Variants in PAX9 observed in about 807,000 individuals in gnomAD.
PAX9 encodes the protein paired box 9.
A neutral mutation model predicts 29.1 loss-of-function variants in PAX9; 6 were observed. The observed-to-expected ratio is 0.21, with a 90% CI of 0.11 to 0.41. The LOEUF is 0.41. Ranked by LOEUF, PAX9 falls within the 10% of genes least tolerant of loss-of-function variation. PAX9 has a pLI of 1.00. For missense variants in PAX9, 443 were observed against 479.1 expected, an observed-to-expected ratio of 0.92 and a Z score of 0.70; for synonymous variants, 217 against 211.7, an observed-to-expected ratio of 1.03 and a Z score of -0.22.
intron 1 of PAX9, 51 bp downstream of exon 1, chr14:36,662,144 G>A: frequency 2.9e-6 from 4 of 1,399,586 alleles, no homozygotes; most frequent in Middle Eastern, 2.6e-4. Context: ...GGGAGGGAGC[G>A]AGCGGGCAAG....
intron 1 of PAX9, 123 bp downstream of exon 1, chr14:36,662,216 C>T: frequency 8.8e-7 from 1 of 1,135,720 alleles, no homozygotes; most frequent in South Asian, 1.6e-5. Flanking sequence ...TCTCTATTGA[C>T]TTTGCTCGTG....
intron 1 of PAX9, 109 bp downstream of exon 1, chr14:36,662,202 A>G: frequency 8.1e-7 from 1 of 1,228,900 alleles, no homozygotes; most frequent in Non-Finnish European, 1.1e-6. Context: ...CTAGGCGCTC[A>G]CATTCTCTAT....
chr14:36,663,918 A>G (rs994949865), intron 2 of PAX9, among the ~76,000 whole-genome samples: 3 of 152,242 alleles, frequency 2.0e-5, no homozygotes, highest in Non-Finnish European at 4.4e-5. Context: ...TGCCGGCTGC[A>G]GACTCCGCTG....
Position 36,661,898 on chromosome 14 carries a change from C to T in PAX9, c.-192C>T, listed in dbSNP as rs962916856. 4 of 704,368 alleles carry T rather than the reference C, an allele frequency of 5.7e-6. No individual in the cohort carries two copies. Among genetic ancestry groups the T allele is most frequent in the African/African-American group, 1.8e-5 (1 of 56,826 alleles). The allele number at this position is 704,368 out of a possible 1,614,324, so 43.6% of individuals were successfully genotyped here. On this transcript the variant is annotated 5_prime_UTR_variant, in exon 1 of 4. Transcript: ENST00000361487. ...TTGCTGCTTAGATTGAAATGCAGAA[C>T]TCAAGCCTCTTTCATCGGGGCACAG...
chr14:36,676,588 T>C lies in PAX9; in HGVS notation c.*136T>C, dbSNP rs1258230270. ...TGAAAGCTGGCTGTACGGACTCACA[T>C]CCTTTGTGCTAATGACACTTACATA... is the stretch of plus-strand genomic sequence containing the variant. On this transcript the variant is annotated 3_prime_UTR_variant, in exon 4 of 4. Coordinates refer to ENST00000361487, the MANE Select transcript of PAX9 (RefSeq NM_001372076.1). 2 of 957,150 alleles carry C rather than the reference T, an allele frequency of 2.1e-6. No homozygotes were observed. Among genetic ancestry groups the C allele is most frequent in the Non-Finnish European group, 3.2e-6 (2 of 620,570 alleles). 59.3% of individuals were successfully genotyped at this position (957,150 alleles called of 1,614,324 possible). A position where few individuals can be genotyped will look rare whatever the true frequency, so the allele number is the denominator to read the frequency against.
rs1443837616 is a variant in PAX9, at chr14:36,676,781, C to T, written c.*329C>T. The T allele has an allele frequency of 2.5e-5, 9 of 361,564 alleles. 1 individual carries two copies. The highest frequency in any genetic ancestry group is 8.5e-4 in the Middle Eastern group (1 of 1,174). 22.4% of individuals were successfully genotyped at this position (361,564 alleles called of 1,614,324 possible). ...GGTTTAAGGAACTTTACAAACTAGT[C>T]TTTGGTAAAACCACATGTGTATATT... On this transcript the variant is annotated 3_prime_UTR_variant, in exon 4 of 4. Transcript: ENST00000361487.
chr14:36,675,056 A>C (rs1594474700), intron 3 of PAX9, among the ~76,000 whole-genome samples: 1 of 152,360 alleles, frequency 6.6e-6, no homozygotes, highest in East Asian at 1.9e-4. Context: ...TAGCTAACAT[A>C]CATCTGATTA....
In PAX9 at chr14:36,663,530, G is replaced by A. The variant is rs1209083394; in HGVS notation, c.631+7G>A. On this transcript the variant is annotated splice_region_variant and intron_variant, in intron 2 of 3. Transcript: ENST00000361487. ...CGCTCCATCACCGACCAAGGTAGGG[G>A]CTCAGAGGCTGGGCGTGTGGATGTG... 3 of 1,612,578 alleles carry A rather than the reference G, an allele frequency of 1.9e-6. No individual in the cohort carries two copies. The highest frequency in any genetic ancestry group is 2.5e-6 in the Non-Finnish European group (3 of 1,179,916).
intron 2 of PAX9, among the ~76,000 whole-genome samples, chr14:36,665,563 A>C (rs1330581038): frequency 6.6e-6 from 1 of 152,124 alleles, no homozygotes. Context: ...AATATTCTCA[A>C]CCCCAGGTAT....
Position 36,663,108 on chromosome 14 carries a change from G to A in PAX9, c.216G>A (p.Gly72=). Residue 72 remains glycine, a synonymous_variant, in exon 2 of 4, where the codon GGG becomes GGA. Transcript: ENST00000361487. ...GCTCGATCTTGCCAGGAGCCATCGG[G>A]GGCAGCAAGCCCCGGGTCACTACCC... ...ETGSILPGAI[G]GSKPRVTTPT... is the part of the protein sequence containing the mutation. 1.2e-6 allele frequency: 2 copies of A among 1,613,984 alleles called. No homozygotes were observed. Among genetic ancestry groups the A allele is most frequent in the Non-Finnish European group, 1.7e-6 (2 of 1,180,044 alleles).
Position 36,679,197 on chromosome 14 carries a change from G to C in PAX9, c.*2745G>C. The C allele has an allele frequency of 1.0e-6, 1 of 984,550 alleles. No homozygotes were observed. The highest frequency in any genetic ancestry group is 1.2e-6 in the Non-Finnish European group (1 of 829,338). The allele number at this position is 984,550 out of a possible 1,614,324, so 61.0% of individuals were successfully genotyped here. A position where few individuals can be genotyped will look rare whatever the true frequency, so the allele number is the denominator to read the frequency against. ...CTTATTTCTTTTTTTTCACAATTTT[G>C]TTTTGTTTTTAATGACCCTTTTATT... On this transcript the variant is annotated 3_prime_UTR_variant, in exon 4 of 4. Transcript: ENST00000361487.
Position 36,676,219 on chromosome 14 carries a change from G to A in PAX9, c.793G>A (p.Val265Met). ...TCAGGCACCAAATGGTCTCCCAGCT[G>A]TGGGCAGTTTTGTGTCAGCATCCAG... ...YGQAPNGLPA[V>M]GSFVSASSMA... The change falls in exon 4 of 4, where the codon GTG becomes ATG. Residue 265 changes from valine (V) to methionine (M), a missense_variant. Physicochemically the swap from Val to Met is conservative, Grantham distance 21. Coordinates refer to ENST00000361487, the MANE Select transcript of PAX9 (RefSeq NM_001372076.1). 6.2e-7 allele frequency: 1 copy of A among 1,614,118 alleles called. No homozygotes were observed. The highest frequency in any genetic ancestry group is 1.7e-5 in the Admixed American group (1 of 60,016).
intron 2 of PAX9, among the ~76,000 whole-genome samples, chr14:36,663,764 C>T (rs750162457): frequency 1.3e-5 from 2 of 152,190 alleles, no homozygotes; most frequent in Non-Finnish European, 2.9e-5. Context: ...CCATAACATC[C>T]CCCCATCCCC....
intron 3 of PAX9, among the ~76,000 whole-genome samples, chr14:36,668,365 C>T (rs1881581425): frequency 9.8e-6 from 1 of 101,620 alleles, no homozygotes. Context: ...CAGTCATAAT[C>T]CCAAAAAAAA....
rs1881496499 is a variant in PAX9 at position 36,666,517 on chromosome 14, C to T, written c.687C>T (p.Gly229=). The stretch of plus-strand genomic sequence containing the variant: ...AGGTGGAGGAGTGGAGCAGCCTGGG[C>T]CGCAACAACTTCCCCGCCGCCGCCC... ...SPKVEEWSSL[G]RNNFPAAAPH... Residue 229 remains glycine, a synonymous_variant, in exon 3 of 4, where the codon GGC becomes GGT. Coordinates refer to ENST00000361487, the MANE Select transcript of PAX9 (RefSeq NM_001372076.1). 1.9e-6 allele frequency: 3 copies of T among 1,604,898 alleles called. No individual in the cohort carries two copies. The highest frequency in any genetic ancestry group is 1.1e-5 in the South Asian group (1 of 89,258).
upstream of PAX9, among the ~76,000 whole-genome samples, chr14:36,660,100 C>T (rs949399991): frequency 6.6e-6 from 1 of 152,152 alleles, no homozygotes; most frequent in East Asian, 1.9e-4. Context: ...TGTTCATTCC[C>T]TCCCGCAAGC....
At chr14:36,668,968 A>C (rs566058464) in intron 3 of PAX9, among the ~76,000 whole-genome samples, 2 of 152,300 alleles carry the variant, frequency 1.3e-5, no homozygotes, top group East Asian at 3.9e-4. Context: ...TTTCCAGAAT[A>C]AAAATATTTA....
Position 36,676,501 on chromosome 14 carries a change from A to C in PAX9, c.*49A>C, listed in dbSNP as rs750117107. The stretch of plus-strand genomic sequence containing the variant: ...TTCACCCGGGTCTCCCTGTCTCAGC[A>C]CCTCCTCCCCCAATTCCCAGGTCTC... On this transcript the variant is annotated 3_prime_UTR_variant, in exon 4 of 4. Coordinates refer to ENST00000361487, the MANE Select transcript of PAX9 (RefSeq NM_001372076.1). 1 of 1,599,880 alleles carries C rather than the reference A, an allele frequency of 6.3e-7. No individual in the cohort carries two copies. Among genetic ancestry groups the C allele is most frequent in the Non-Finnish European group, 8.5e-7 (1 of 1,177,782 alleles).
At chr14:36,657,602 C>G (rs1025381818), upstream of PAX9, 1 of 152,180 alleles carries the variant, frequency 6.6e-6, no homozygotes, top group East Asian at 1.9e-4. Flanking sequence ...AAGCGGGCGA[C>G]GAGCGCTCGC....
Sources: allele counts gnomAD v4.1 joint callset (sites outside exome capture counted in the v4.1 genomes callset), GRCh38; gene constraint gnomAD v4.1.1; transcripts MANE v1.5; gene names NCBI Gene and HGNC (gene_info 2026-07-23, HGNC 2026-07-21).